TLK1: variants seen among roughly 807,000 people sequenced by gnomAD.
TLK1 encodes serine/threonine-protein kinase tousled-like 1.
TLK1 carries 24 observed loss-of-function variants against 105.3 expected under a neutral mutation model. The observed-to-expected ratio is 0.23, with a 90% CI of 0.17 to 0.32. The LOEUF (loss-of-function observed/expected upper bound fraction) is 0.32. Ranked by LOEUF, TLK1 falls within the 10% of genes least tolerant of loss-of-function variation. The pLI is 1.00. For missense variants in TLK1, 558 were observed against 910.5 expected (o/e 0.61, Z 4.98); for synonymous variants, 321 against 310.4 (o/e 1.03, Z -0.36).
chr2:171,033,719 T>C (rs1199619366), intron 11 of TLK1, among the ~76,000 whole-genome samples: 1 of 149,254 alleles, frequency 6.7e-6, no homozygotes, highest in South Asian at 2.2e-4. Context: ...TTTTTGCCAC[T>C]GAAAGTAGGC....
chr2:171,000,069 C>A (rs1684284938), intron 18 of TLK1, among the ~76,000 whole-genome samples: 1 of 152,028 alleles, frequency 6.6e-6, no homozygotes, highest in African/African-American at 2.4e-5. Context: ...TTTGACTCTC[C>A]CTAAAAAGTT....
At chr2:171,152,515 GTTA>G (rs560451492) in intron 1 of TLK1, among the ~76,000 whole-genome samples, 7 of 147,174 alleles carry the variant, frequency 4.8e-5, no homozygotes, top group African/African-American at 1.6e-4. Context: ...CAAAGGTTTT[GTTA>G]TTGTTGTTGT....
intron 3 of TLK1, among the ~76,000 whole-genome samples, chr2:171,067,822 C>T (rs1473208551): frequency 6.6e-6 from 1 of 151,980 alleles, no homozygotes; most frequent in Non-Finnish European, 1.5e-5. Context: ...TGCCCCGTGT[C>T]CATGTGTTCT....
chr2:171,009,134 C>T (rs558848889), intron 14 of TLK1, among the ~76,000 whole-genome samples: 2 of 152,074 alleles, frequency 1.3e-5, no homozygotes, highest in East Asian at 1.9e-4. Context: ...AGGACCCTGA[C>T]GTGTAATGCT....
At chr2:171,205,578 C>T (rs1448142303) in intron 1 of TLK1, among the ~76,000 whole-genome samples, 2 of 151,884 alleles carry the variant, frequency 1.3e-5, no homozygotes, top group East Asian at 3.9e-4. Context: ...CCCACCTTGG[C>T]CTCCCAAAGT....
intron 18 of TLK1, among the ~76,000 whole-genome samples, chr2:170,998,092 ACC>A (rs1559331637): frequency 3.5e-3 from 58 of 16,556 alleles, no homozygotes; most frequent in Admixed American, 0.017. Context: ...CTATCTATCT[ACC>A]TACCTACCTA....
intron 3 of TLK1, chr2:171,081,655 T>C (rs1688759036): frequency 7.7e-7 from 1 of 1,304,240 alleles, no homozygotes; most frequent in Non-Finnish European, 1.0e-6. Flanking sequence ...GGGAACCTAC[T>C]GCAGATAAAG....
intron 1 of TLK1, among the ~76,000 whole-genome samples, chr2:171,172,239 GGACAGTGGTTACC>G (rs1692743962): frequency 6.6e-6 from 1 of 152,108 alleles, no homozygotes; most frequent in Admixed American, 6.5e-5. Context: ...TTAAAAATCA[GGACAGTGGTTACC>G]CTTGAGAGGA....
At chr2:171,139,939 A>G (rs536312829) in intron 1 of TLK1, among the ~76,000 whole-genome samples, 57 of 152,314 alleles carry the variant, frequency 3.7e-4, no homozygotes, top group Non-Finnish European at 6.3e-4. Context: ...TGTGCAGTTC[A>G]CAACAGGGTC....
chr2:171,021,671 T>C (rs759636197), intron 12 of TLK1, among the ~76,000 whole-genome samples: 2 of 152,174 alleles, frequency 1.3e-5, no homozygotes, highest in Non-Finnish European at 2.9e-5. Flanking sequence ...TGTTTTCTCT[T>C]TTTTGTGAAA....
At position 171,157,432 on chromosome 2, in the gene TLK1, A is replaced by C. The variant is rs1575637351; in HGVS notation, c.139+2858T>G. 2.0e-5 allele frequency among the ~76,000 whole-genome samples: 3 copies of C among 152,344 alleles called. No homozygotes were observed. The East Asian group carries it at 5.8e-4, about 29-fold the overall frequency. ...ATTATAGGTTTAAAAGATTCAACAG[A>C]AAATCTAGAGCTACATCGCTGAACT... On this transcript the variant is annotated intron_variant, in intron 1 of 20. Transcript: ENST00000431350.
intron 2 of TLK1, among the ~76,000 whole-genome samples, chr2:171,089,899 C>T (rs368393273): frequency 1.2e-4 from 18 of 152,292 alleles, no homozygotes; most frequent in African/African-American, 3.9e-4. Context: ...TCTCCCAGCT[C>T]TGTTATTGTC....
Position 171,004,735 on chromosome 2 carries a change from T to G in TLK1, c.1904+1412A>C, listed in dbSNP as rs139429108. 1.6e-3 allele frequency among the ~76,000 whole-genome samples: 246 copies of G among 152,302 alleles called. 1 individual carries two copies. Among genetic ancestry groups the G allele is most frequent in the African/African-American group, 5.7e-3 (235 of 41,566 alleles). ...AATCTAAGATTCTACCAAGATGCTT[T>G]GTTTTTGTTGGTTTTATTAGAATAA... On this transcript the variant is annotated intron_variant, in intron 18 of 20. Transcript: ENST00000431350.
chr2:171,134,725 C>CTTTT (rs572825171), intron 1 of TLK1, among the ~76,000 whole-genome samples: 1 of 103,796 alleles, frequency 9.6e-6, no homozygotes, highest in Non-Finnish European at 1.8e-5. Flanking sequence ...ACTATTTGGC[C>CTTTT]TTTTTTTTTT....
intron 1 of TLK1, among the ~76,000 whole-genome samples, chr2:171,200,259 G>A (rs1037073405): frequency 3.3e-5 from 5 of 152,088 alleles, no homozygotes; most frequent in African/African-American, 9.7e-5. Context: ...AGTGTGCTTT[G>A]CTTCATCCTT....
At chr2:171,161,790 TATAG>T (rs1207613090), upstream of TLK1, among the ~76,000 whole-genome samples, 12 of 152,214 alleles carry the variant, frequency 7.9e-5, no homozygotes, top group African/African-American at 2.2e-4. Flanking sequence ...TGCTAAAATT[TATAG>T]ATAGAGTGTA....
At chr2:171,052,658 T>C (rs1431048076) in intron 8 of TLK1, among the ~76,000 whole-genome samples, 2 of 152,180 alleles carry the variant, frequency 1.3e-5, no homozygotes, top group African/African-American at 2.4e-5. Flanking sequence ...TGAAATAATA[T>C]GTTGTGAAGA....
chr2:171,160,683 G>T lies in TLK1; in HGVS notation c.-255C>A. On this transcript the variant is annotated 5_prime_UTR_variant, in exon 1 of 21. Coordinates refer to ENST00000431350, the MANE Select transcript of TLK1 (RefSeq NM_012290.5). This position sits in a 1 kb window ranked among gnomAD's most constrained non-coding sequence, Gnocchi z 4.4. ...GAGCGAGCGGGCGCGCCAGAGGAGA[G>T]GAGGAGGAAAGGAGCGCGGCGGCGG... is the stretch of plus-strand genomic sequence containing the variant. 1.8e-6 allele frequency: 1 copy of T among 548,922 alleles called. No homozygotes were observed. The allele number at this position is 548,922 out of a possible 1,614,324, so 34.0% of individuals were successfully genotyped here. A position where few individuals can be genotyped will look rare whatever the true frequency, so the allele number is the denominator to read the frequency against.
At chr2:171,114,873 G>A (rs1057443836) in intron 2 of TLK1, among the ~76,000 whole-genome samples, 1 of 151,798 alleles carries the variant, frequency 6.6e-6, no homozygotes, top group African/African-American at 2.4e-5. Flanking sequence ...ACTAAAAAAG[G>A]CAAGGAAACT....
Sources: gnomAD v4.1 joint callset for allele counts (sites outside exome capture counted in the v4.1 genomes callset) on GRCh38, gnomAD v4.1.1 for gene constraint, Gnocchi (gnomAD v3.1) non-coding constraint, MANE v1.5 for transcripts, NCBI Gene and HGNC (gene_info 2026-07-23, HGNC 2026-07-21) for gene names.